Variants in POU2F3 observed in about 807,000 individuals in gnomAD.
POU2F3 encodes POU class 2 homeobox 3.
POU2F3 carries 23 observed loss-of-function variants against 59.2 expected under a neutral mutation model. The observed-to-expected ratio is 0.39, with a 90% CI of 0.28 to 0.55. POU2F3 has a LOEUF of 0.55. Among genes scored for constraint, POU2F3 ranks in the 20% least tolerant of loss-of-function variants. POU2F3 has a pLI of 0.66. For synonymous variants in POU2F3, 190 were observed against 214.6 expected (o/e 0.89, Z 1.00); for missense variants, 473 against 544.5 (o/e 0.87, Z 1.31).
rs573586077 is a variant in POU2F3, at chr11:120,255,425, G to A, written c.97+8908G>A. ...GTGGTTGCTATGACGATGGGGTCTCGGCGCCCAATTTGCATAGGGCGATGA... is the reference window on the plus strand; with the variant it reads ...GTGGTTGCTATGACGATGGGGTCTCAGCGCCCAATTTGCATAGGGCGATGA... On this transcript the variant is annotated intron_variant, in intron 2 of 12. Transcript: ENST00000543440. 3.5e-4 allele frequency among the ~76,000 whole-genome samples: 53 copies of A among 152,232 alleles called. No homozygotes were observed. The South Asian group carries it at 8.7e-3, about 25-fold the overall frequency.
chr11:120,240,402 G>A (rs569411365), intron 1 of POU2F3, 31 bp downstream of exon 1: 80 of 1,383,874 alleles, frequency 5.8e-5, no homozygotes, highest in Admixed American at 3.6e-4. Context: ...GCTCTGACAG[G>A]TGTCACTGCG....
At position 120,240,264 on chromosome 11, in the gene POU2F3, C is replaced by A. The variant is rs903586978; in HGVS notation, c.-80C>A. ...GCGGCCGGGAACTGGAGGAAGGAGA[C>A]CCTGGCTTCGCAGGGGCCCCGGCTG... On this transcript the variant is annotated 5_prime_UTR_variant, in exon 1 of 13. Transcript: ENST00000543440. 5 of 1,267,520 alleles carry A rather than the reference C, an allele frequency of 3.9e-6. No homozygotes were observed. Among genetic ancestry groups the A allele is most frequent in the Admixed American group, 8.3e-5 (2 of 23,994 alleles). 78.5% of individuals were successfully genotyped at this position (1,267,520 alleles called of 1,614,324 possible). A position where few individuals can be genotyped will look rare whatever the true frequency, so the allele number is the denominator to read the frequency against.
intron 3 of POU2F3, among the ~76,000 whole-genome samples, chr11:120,269,684 C>T (rs1452875667): frequency 6.6e-6 from 1 of 152,072 alleles, no homozygotes; most frequent in Admixed American, 6.6e-5. Context: ...TAACAGGAAA[C>T]AGATAGGCAG....
intron 1 of POU2F3, among the ~76,000 whole-genome samples, chr11:120,242,544 G>T (rs1394242983): frequency 6.6e-6 from 1 of 152,138 alleles, no homozygotes; most frequent in African/African-American, 2.4e-5. Flanking sequence ...AATTCCCAGG[G>T]CTGGGTCCTT....
intron 6 of POU2F3, 146 bp downstream of exon 6, chr11:120,302,514 A>G: frequency 1.5e-6 from 1 of 680,404 alleles, no homozygotes; most frequent in Non-Finnish European, 2.4e-6. Context: ...GGCACAGGGG[A>G]AATCCAAGCT....
chr11:120,240,426 GA>G, intron 1 of POU2F3, 55 bp downstream of exon 1: 1 of 1,330,814 alleles, frequency 7.5e-7, no homozygotes, highest in Non-Finnish European at 9.7e-7. Flanking sequence ...GGGCAGGGGT[GA>G]AGGAGAGGGA....
intron 3 of POU2F3, among the ~76,000 whole-genome samples, chr11:120,291,306 C>A (rs1941010814): frequency 6.6e-6 from 1 of 152,200 alleles, no homozygotes; most frequent in Non-Finnish European, 1.5e-5. Context: ...GTAGAATGAA[C>A]TGGACACTGG....
At chr11:120,303,601 G>C (rs1002797887) in intron 6 of POU2F3, 1 of 152,124 alleles carries the variant, frequency 6.6e-6, no homozygotes, top group Non-Finnish European at 1.5e-5. Context: ...GAAAAGGAAG[G>C]TTCAAAGAGG....
chr11:120,263,819 G>A (rs1939709756), intron 2 of POU2F3, among the ~76,000 whole-genome samples: 1 of 152,210 alleles, frequency 6.6e-6, no homozygotes, highest in Non-Finnish European at 1.5e-5. Flanking sequence ...ACGGAGCCAG[G>A]GCTTGGAAAT....
chr11:120,269,344 G>A, intron 3 of POU2F3, 100 bp downstream of exon 3: 1 of 1,051,368 alleles, frequency 9.5e-7, no homozygotes, highest in Non-Finnish European at 1.4e-6. Context: ...CAGTTTGGGG[G>A]TGTTTATTCA....
chr11:120,317,582 A>C (rs1941821944), intron 12 of POU2F3, among the ~76,000 whole-genome samples: 1 of 152,220 alleles, frequency 6.6e-6, no homozygotes. Context: ...CCTGGCAAGG[A>C]GCTGATGTCA....
rs1276204380 is a variant in POU2F3 at position 120,318,743 on chromosome 11, C to T, written c.*351C>T. ...TTCTTGCTGTTATTCTCCAACTCAT[C>T]CGTGGGCTTCTGGGGACAGCCATTT... is the stretch of plus-strand genomic sequence containing the variant. On this transcript the variant is annotated 3_prime_UTR_variant, in exon 13 of 13. Coordinates refer to ENST00000543440, the MANE Select transcript of POU2F3 (RefSeq NM_014352.4). 4.2e-6 allele frequency: 1 copy of T among 239,876 alleles called. No homozygotes were observed. The highest frequency in any genetic ancestry group is 2.3e-5 in the African/African-American group (1 of 43,982). The allele number at this position is 239,876 out of a possible 1,614,324, so 14.9% of individuals were successfully genotyped here.
Position 120,240,340 on chromosome 11 carries a change from C to G in POU2F3, c.-4C>G. ...GCGCTGGCTTTGGCCCCGCCTGGGGCAGGATGGTGAATCTGGAGTCCATGC... is the reference window on the plus strand; with the variant it reads ...GCGCTGGCTTTGGCCCCGCCTGGGGGAGGATGGTGAATCTGGAGTCCATGC... On this transcript the variant is annotated 5_prime_UTR_variant, in exon 1 of 13. Coordinates refer to ENST00000543440, the MANE Select transcript of POU2F3 (RefSeq NM_014352.4). The G allele has an allele frequency of 7.1e-7, 1 of 1,410,160 alleles. No homozygotes were observed. Among genetic ancestry groups the G allele is most frequent in the Non-Finnish European group, 9.3e-7 (1 of 1,070,822 alleles). The allele number at this position is 1,410,160 out of a possible 1,614,324, so 87.4% of individuals were successfully genotyped here. A position where few individuals can be genotyped will look rare whatever the true frequency, so the allele number is the denominator to read the frequency against.
rs1279717877 is a variant in POU2F3, at chr11:120,312,312, G to A, written c.1068+2726G>A. ...CTAATTTTGTATGTTTAGTAGAGAC[G>A]GGGTTTCACCATGTTGGCCAGGCTG... On this transcript the variant is annotated intron_variant, in intron 10 of 12. Coordinates refer to ENST00000543440, the MANE Select transcript of POU2F3 (RefSeq NM_014352.4). Among the ~76,000 whole-genome samples the A allele has an allele frequency of 3.3e-5, 5 of 151,182 alleles. No individual in the cohort carries two copies. The East Asian group carries it at 5.8e-4, about 18-fold the overall frequency.
At chr11:120,288,416 G>A (rs755109561) in intron 3 of POU2F3, among the ~76,000 whole-genome samples, 7 of 152,168 alleles carry the variant, frequency 4.6e-5, no homozygotes, top group African/African-American at 7.2e-5. Context: ...AGATTTCTGT[G>A]ACTGAAAATC....
At chr11:120,256,471 T>C (rs1480732850) in intron 2 of POU2F3, 1 of 152,170 alleles carries the variant, frequency 6.6e-6, no homozygotes, top group African/African-American at 2.4e-5. Flanking sequence ...GTGAGAAATA[T>C]GGCCTGTTTT....
upstream of POU2F3, chr11:120,236,769 C>T (rs949830347): frequency 1.4e-6 from 2 of 1,393,108 alleles, no homozygotes; most frequent in Admixed American, 2.0e-5. Context: ...GTGAGCAAGT[C>T]TGAGAGAGAA....
chr11:120,268,047 C>T (rs1486901319), intron 2 of POU2F3, among the ~76,000 whole-genome samples: 4 of 151,826 alleles, frequency 2.6e-5, no homozygotes, highest in African/African-American at 9.7e-5. Context: ...TTAAGCAAAT[C>T]ATGGTATATC....
intron 1 of POU2F3, among the ~76,000 whole-genome samples, chr11:120,244,635 TTCCAGCAGTCTCTGACTCA>T (rs1938797388): frequency 6.6e-6 from 1 of 152,188 alleles, no homozygotes; most frequent in Non-Finnish European, 1.5e-5. Context: ...CTGTGCACCT[TTCCAGCAGTCTCTGACTCA>T]GGGCCTCTTC....
Sources: allele counts gnomAD v4.1 joint callset (sites outside exome capture counted in the v4.1 genomes callset), GRCh38; gene constraint gnomAD v4.1.1; transcripts MANE v1.5; gene names NCBI Gene and HGNC (gene_info 2026-07-23, HGNC 2026-07-21).